The following ADAMTSL3 variants were observed in gnomAD, a reference collection of about 807,000 sequenced individuals.
ADAMTSL3 encodes ADAMTS-like protein 3.
A neutral mutation model predicts 201.7 loss-of-function variants in ADAMTSL3; 128 were observed. That is an observed-to-expected ratio of 0.63 (90% CI 0.55 to 0.73). The LOEUF (loss-of-function observed/expected upper bound fraction) is 0.73, where lower values mean the gene tolerates loss of function less well. Among genes scored for constraint, ADAMTSL3 ranks in the 30% least tolerant of loss-of-function variants. ADAMTSL3 has a pLI of 0.00. For synonymous variants in ADAMTSL3, 738 were observed against 748.4 expected, an observed-to-expected ratio of 0.99 and a Z score of 0.23; for missense variants, 1,990 against 2,119.6, an observed-to-expected ratio of 0.94 and a Z score of 1.20.
chr15:83,691,585 A>G (rs1352952873), intron 2 of ADAMTSL3, among the ~76,000 whole-genome samples: 1 of 152,186 alleles, frequency 6.6e-6, no homozygotes, highest in Non-Finnish European at 1.5e-5. Flanking sequence ...ATGTTTATTC[A>G]AACCCAAAAC....
intron 3 of ADAMTSL3, among the ~76,000 whole-genome samples, chr15:83,750,634 C>G (rs1421541370): frequency 6.6e-6 from 1 of 152,090 alleles, no homozygotes; most frequent in East Asian, 1.9e-4. Flanking sequence ...TCACTGCAAC[C>G]TCCGCCTCCT....
At chr15:83,753,754 C>G (rs7182216) in intron 3 of ADAMTSL3, among the ~76,000 whole-genome samples, 127,439 of 152,044 alleles carry the variant, frequency 0.84, 53,892 homozygotes, top group East Asian at 0.96. Flanking sequence ...TAAGAGCTTT[C>G]TATGGTTATC....
chr15:83,897,821 A>T (rs778460240), intron 13 of ADAMTSL3, 37 bp from the exon 14 acceptor site: 2 of 1,546,984 alleles, frequency 1.3e-6, no homozygotes. Context: ...TGGTTCTCTT[A>T]AAAGAAATGC....
chr15:83,673,596 A>G (rs942878564), intron 2 of ADAMTSL3, among the ~76,000 whole-genome samples: 5 of 152,128 alleles, frequency 3.3e-5, no homozygotes, highest in Non-Finnish European at 7.3e-5. Flanking sequence ...GTAGTGTCCT[A>G]GATGTTAACA....
intron 9 of ADAMTSL3, among the ~76,000 whole-genome samples, chr15:83,876,696 A>G (rs550848352): frequency 2.2e-4 from 33 of 152,018 alleles, no homozygotes; most frequent in Non-Finnish European, 3.4e-4. Flanking sequence ...CGGTGGCACA[A>G]TCATGACTCA....
chr15:83,985,676 A>T (rs2067461963), intron 21 of ADAMTSL3, among the ~76,000 whole-genome samples: 2 of 152,092 alleles, frequency 1.3e-5, no homozygotes, highest in African/African-American at 4.8e-5. Flanking sequence ...TTTGTCACCC[A>T]GGCTGGAGTG....
At chr15:83,959,332 G>C (rs746701725) in intron 19 of ADAMTSL3, among the ~76,000 whole-genome samples, 49 of 152,202 alleles carry the variant, frequency 3.2e-4, no homozygotes, top group Non-Finnish European at 6.3e-4. Context: ...GGGAGGCTGA[G>C]GCAGGAGAAT....
chr15:83,803,308 T>C (rs1277656622), intron 4 of ADAMTSL3, among the ~76,000 whole-genome samples: 1 of 152,200 alleles, frequency 6.6e-6, no homozygotes, highest in Non-Finnish European at 1.5e-5. Context: ...CAATGAGTTT[T>C]ACATTGCTGA....
At chr15:84,006,639 G>A (rs1596528272) in intron 23 of ADAMTSL3, among the ~76,000 whole-genome samples, 1 of 152,300 alleles carries the variant, frequency 6.6e-6, no homozygotes, top group Admixed American at 6.5e-5. Flanking sequence ...ATATATCAGA[G>A]CTGCAAGTCT....
intron 16 of ADAMTSL3, 26 bp downstream of exon 16, chr15:83,913,404 A>G (rs1456865018): frequency 6.2e-7 from 1 of 1,604,422 alleles, no homozygotes; most frequent in South Asian, 1.1e-5. Context: ...CTTAAGGGAC[A>G]GTTATGTTGT....
At chr15:83,683,874 A>C (rs1479963086) in intron 2 of ADAMTSL3, among the ~76,000 whole-genome samples, 1 of 152,172 alleles carries the variant, frequency 6.6e-6, no homozygotes, top group Admixed American at 6.6e-5. Flanking sequence ...TTTCCCTAAG[A>C]CATCTTAAAG....
chr15:83,750,941 G>A (rs752201229), intron 3 of ADAMTSL3, among the ~76,000 whole-genome samples: 29 of 152,172 alleles, frequency 1.9e-4, no homozygotes, highest in African/African-American at 2.6e-4. Context: ...GCATTTGTTC[G>A]TCCATTAACT....
In ADAMTSL3 at chr15:83,863,583, C is replaced by T. The variant is rs372036680; in HGVS notation, c.802+4743C>T. ...GAAACCAATGAGAACAAAGACACAA[C>T]ATACCAGAATCTCTGGGACACATTC... On this transcript the variant is annotated intron_variant, in intron 8 of 29. Coordinates refer to ENST00000286744, the MANE Select transcript of ADAMTSL3 (RefSeq NM_207517.3). Among the ~76,000 whole-genome samples the T allele has an allele frequency of 1.4e-4, 21 of 152,246 alleles. No individual in the cohort carries two copies. The East Asian group carries it at 3.9e-3, about 28-fold the overall frequency.
intron 3 of ADAMTSL3, 28 bp from the exon 4 acceptor site, chr15:83,773,495 T>G (rs775890336): frequency 2.4e-5 from 39 of 1,610,096 alleles, no homozygotes; most frequent in African/African-American, 2.7e-5. Context: ...GTGGTTTTTT[T>G]TTTGTTTGTT....
intron 6 of ADAMTSL3, among the ~76,000 whole-genome samples, chr15:83,828,086 G>A (rs896448005): frequency 2.0e-5 from 3 of 152,112 alleles, no homozygotes; most frequent in Non-Finnish European, 4.4e-5. Flanking sequence ...GGCTTGATGG[G>A]GATGGCATTG....
chr15:83,907,447 A>G (rs1350417664), intron 15 of ADAMTSL3, among the ~76,000 whole-genome samples: 1 of 152,216 alleles, frequency 6.6e-6, no homozygotes, highest in Non-Finnish European at 1.5e-5. Flanking sequence ...TCTGTCACCC[A>G]GGCTGGAGTG....
intron 3 of ADAMTSL3, among the ~76,000 whole-genome samples, chr15:83,732,148 A>G (rs80349005): frequency 0.014 from 2,184 of 152,208 alleles, 42 homozygotes; most frequent in African/African-American, 0.05. Flanking sequence ...TACCTCTTAC[A>G]TATGTACAGC....
At chr15:83,917,099 T>C (rs2066048076) in intron 16 of ADAMTSL3, among the ~76,000 whole-genome samples, 1 of 152,222 alleles carries the variant, frequency 6.6e-6, no homozygotes, top group African/African-American at 2.4e-5. Flanking sequence ...CTGCAATGAC[T>C]GACAACCACA....
intron 17 of ADAMTSL3, among the ~76,000 whole-genome samples, chr15:83,927,041 A>G (rs939632748): frequency 1.3e-5 from 2 of 151,932 alleles, no homozygotes; most frequent in Admixed American, 6.6e-5. Flanking sequence ...TGCTTTCCCA[A>G]CCATGGCCCC....
Sources: allele counts gnomAD v4.1 joint callset (sites outside exome capture counted in the v4.1 genomes callset), GRCh38; gene constraint gnomAD v4.1.1; transcripts MANE v1.5; gene names NCBI Gene and HGNC (gene_info 2026-07-23, HGNC 2026-07-21).